Variants in NFIB observed in about 807,000 individuals in gnomAD.
NFIB encodes nuclear factor 1 B-type.
NFIB carries 11 observed loss-of-function variants against 61.5 expected under a neutral mutation model. That is an observed-to-expected ratio of 0.18 (90% CI 0.11 to 0.30). The LOEUF (loss-of-function observed/expected upper bound fraction) is 0.30, where lower values mean the gene tolerates loss of function less well. Among genes scored for constraint, NFIB ranks in the 10% least tolerant of loss-of-function variants. The pLI is 1.00. For synonymous variants in NFIB, 260 were observed against 216.5 expected (o/e 1.20, Z -1.76); for missense variants, 471 against 608.9 (o/e 0.77, Z 2.38).
the NFIB span, among the ~76,000 whole-genome samples, chr9:14,474,581 T>C: frequency 8.5e-5 from 13 of 152,204 alleles, no homozygotes; most frequent in African/African-American, 3.1e-4. Flanking sequence ...GTCCAAAGTC[T>C]CATCTAAATA....
chr9:14,110,371 G>C (rs949766916), intron 10 of NFIB, among the ~76,000 whole-genome samples: 1 of 152,020 alleles, frequency 6.6e-6, no homozygotes, highest in East Asian at 1.9e-4. Context: ...ACCTGGTGAC[G>C]ATATTTATTC....
intron 2 of NFIB, among the ~76,000 whole-genome samples, chr9:14,254,864 A>G (rs1398171930): frequency 1.3e-5 from 2 of 152,192 alleles, no homozygotes; most frequent in African/African-American, 4.8e-5. Flanking sequence ...CTAAATAATA[A>G]TAATGATCTT....
At chr9:14,428,402 T>A in the NFIB span, among the ~76,000 whole-genome samples, 1 of 152,152 alleles carries the variant, frequency 6.6e-6, no homozygotes, top group Non-Finnish European at 1.5e-5. Flanking sequence ...GAGAAATGGC[T>A]CAGGTCGGAG....
intron 2 of NFIB, among the ~76,000 whole-genome samples, chr9:14,189,089 C>A (rs1233384997): frequency 6.6e-6 from 1 of 152,164 alleles, no homozygotes; most frequent in Non-Finnish European, 1.5e-5. Context: ...ATGTTACTAC[C>A]TAGCACCATG....
intron 2 of NFIB, among the ~76,000 whole-genome samples, chr9:14,217,737 C>T (rs1289791170): frequency 2.0e-5 from 3 of 150,660 alleles, no homozygotes; most frequent in Non-Finnish European, 4.4e-5. Context: ...CATCAAAAAT[C>T]CTGCTCCAAA....
At chr9:14,461,030 A>T in the NFIB span, among the ~76,000 whole-genome samples, 73 of 152,028 alleles carry the variant, frequency 4.8e-4, no homozygotes, top group East Asian at 0.012. Flanking sequence ...TCCTCCGTGC[A>T]CCCTCTTGTT....
chr9:14,397,618 C>A (rs2061699917), intron 1 of NFIB, among the ~76,000 whole-genome samples: 2 of 152,120 alleles, frequency 1.3e-5, no homozygotes, highest in South Asian at 4.1e-4. Flanking sequence ...CCATCACATT[C>A]CTATTCAAGA....
At chr9:14,306,069 A>G in intron 2 of NFIB, 1 of 719,462 alleles carries the variant, frequency 1.4e-6, no homozygotes, top group South Asian at 2.6e-5. Flanking sequence ...ACATTTCATT[A>G]ACTCAAATAT....
rs1032642593 is a variant in NFIB, at chr9:14,082,424, C to G, written c.*5885G>C. 1 of 203,270 alleles carries G rather than the reference C, an allele frequency of 4.9e-6. No individual in the cohort carries two copies. Among genetic ancestry groups the G allele is most frequent in the African/African-American group, 2.3e-5 (1 of 43,560 alleles). 12.6% of individuals were successfully genotyped at this position (203,270 alleles called of 1,614,324 possible). ...ATCATTGAGGTGGGGGCAGCTCTTC[C>G]CAGGATGCTAAAAGTTCTATATGAT... On this transcript the variant is annotated 3_prime_UTR_variant, in exon 11 of 11. Transcript: ENST00000380953.
At chr9:14,385,928 A>G (rs1175933337) in intron 1 of NFIB, among the ~76,000 whole-genome samples, 1 of 151,888 alleles carries the variant, frequency 6.6e-6, no homozygotes, top group African/African-American at 2.4e-5. Flanking sequence ...GATTACAGGC[A>G]TGTTCCACGG....
the NFIB span, among the ~76,000 whole-genome samples, chr9:14,412,849 A>G: frequency 6.6e-6 from 1 of 152,212 alleles, no homozygotes; most frequent in African/African-American, 2.4e-5. Flanking sequence ...GCTTTAAAAA[A>G]TGTTTGTTCA....
intron 2 of NFIB, among the ~76,000 whole-genome samples, chr9:14,302,791 G>A (rs1311083698): frequency 6.6e-6 from 1 of 150,542 alleles, no homozygotes; most frequent in East Asian, 1.9e-4. Context: ...CCTTCAGACA[G>A]GACACAGTCT....
chr9:14,213,085 G>A (rs2050482959), intron 2 of NFIB, among the ~76,000 whole-genome samples: 2 of 152,056 alleles, frequency 1.3e-5, no homozygotes, highest in East Asian at 1.9e-4. Context: ...ATTTCCATTC[G>A]TATTTTTGTA....
At chr9:14,167,086 G>GGC (rs1563855890) in intron 3 of NFIB, among the ~76,000 whole-genome samples, 1 of 148,490 alleles carries the variant, frequency 6.7e-6, no homozygotes, top group Non-Finnish European at 1.5e-5. Context: ...TGTGTGTCGG[G>GGC]GGGGGGGGGT....
the NFIB span, among the ~76,000 whole-genome samples, chr9:14,518,330 G>C: frequency 6.6e-6 from 1 of 152,198 alleles, no homozygotes; most frequent in Non-Finnish European, 1.5e-5. Context: ...AGCTGGCTGA[G>C]CAAGGTTACC....
the NFIB span, among the ~76,000 whole-genome samples, chr9:14,497,867 T>A: frequency 1.3e-5 from 2 of 152,152 alleles, no homozygotes. Context: ...CCATTTCTAC[T>A]GCCAACTGCT....
At chr9:14,179,383 T>C (rs1386202125) in intron 3 of NFIB, among the ~76,000 whole-genome samples, 1 of 152,208 alleles carries the variant, frequency 6.6e-6, no homozygotes, top group African/African-American at 2.4e-5. Flanking sequence ...TGGAAATTTT[T>C]ACATTTTCTT....
At chr9:14,409,104 T>A in the NFIB span, among the ~76,000 whole-genome samples, 2 of 152,166 alleles carry the variant, frequency 1.3e-5, no homozygotes, top group Non-Finnish European at 2.9e-5. Context: ...TTTTTAGTGT[T>A]TGTTGACATG....
At chr9:14,369,679 T>C (rs2061337626) in intron 1 of NFIB, among the ~76,000 whole-genome samples, 1 of 152,206 alleles carries the variant, frequency 6.6e-6, no homozygotes, top group Admixed American at 6.5e-5. Flanking sequence ...CAACTTCTAC[T>C]CCTTCTTTTC....
Sources: allele counts gnomAD v4.1 joint callset (sites outside exome capture counted in the v4.1 genomes callset), GRCh38; gene constraint gnomAD v4.1.1; transcripts MANE v1.5; gene names NCBI Gene and HGNC (gene_info 2026-07-23, HGNC 2026-07-21).